Variants in UTP6 observed in about 807,000 individuals in gnomAD.
UTP6 encodes the protein U3 small nucleolar RNA-associated protein 6 homolog.
UTP6 carries 60 observed loss-of-function variants against 96.5 expected under a neutral mutation model. The ratio of observed to expected loss-of-function variants is 0.62; its 90% CI spans 0.51 to 0.77. UTP6 has a LOEUF of 0.77. Ranked by LOEUF, UTP6 falls within the 30% of genes least tolerant of loss-of-function variation. The pLI is 0.00. For synonymous variants in UTP6, 215 were observed against 240.1 expected, an observed-to-expected ratio of 0.90 and a Z score of 0.96; for missense variants, 637 against 706.5, an observed-to-expected ratio of 0.90 and a Z score of 1.12.
rs565200979 is a variant in UTP6 at position 31,872,919 on chromosome 17, CAAAAAAACAAA to C, written c.1496+448_1496+458del. On this transcript the variant is annotated intron_variant, in intron 16 of 18. Coordinates refer to ENST00000261708, the MANE Select transcript of UTP6 (RefSeq NM_018428.3). ...GGCTAAGGCGGGAGAATCACTGTCT[CAAAAAAACAAA>C]AAAAAAACAAAAAAAAAGGAAAATG... is the stretch of plus-strand genomic sequence containing the variant. 2.5e-3 allele frequency among the ~76,000 whole-genome samples: 344 copies of C among 140,208 alleles called. 2 individuals are homozygous for C. The highest frequency in any genetic ancestry group is 8.4e-3 in the African/African-American group (306 of 36,616). The allele number at this position is 140,208 out of a possible 152,430, so 92.0% of individuals were successfully genotyped here.
chr17:31,891,701 A>G (rs1911501103), intron 6 of UTP6, among the ~76,000 whole-genome samples: 1 of 152,192 alleles, frequency 6.6e-6, no homozygotes, highest in Non-Finnish European at 1.5e-5. Context: ...CAAAGGATTC[A>G]AAAGTTTATT....
At chr17:31,895,164 CACTT>C (rs1306100338) in intron 2 of UTP6, among the ~76,000 whole-genome samples, 153 bp from the exon 3 acceptor site, 1 of 152,146 alleles carries the variant, frequency 6.6e-6, no homozygotes, top group Non-Finnish European at 1.5e-5. Context: ...GTCTAGAACT[CACTT>C]AAAATTCACT....
intron 6 of UTP6, among the ~76,000 whole-genome samples, chr17:31,890,577 G>C (rs11867619): frequency 0.87 from 131,358 of 151,618 alleles, 57,023 homozygotes; most frequent in African/African-American, 0.92. Context: ...GAGATCACAC[G>C]ACTACACCCC....
intron 16 of UTP6, among the ~76,000 whole-genome samples, chr17:31,870,869 GTAC>G (rs1910127019): frequency 6.6e-6 from 1 of 151,848 alleles, no homozygotes; most frequent in Admixed American, 6.6e-5. Context: ...AGGCTGGAGT[GTAC>G]TAGCACAAAC....
chr17:31,890,083 C>T (rs988332241), intron 6 of UTP6, among the ~76,000 whole-genome samples: 1 of 151,978 alleles, frequency 6.6e-6, no homozygotes, highest in African/African-American at 2.4e-5. Flanking sequence ...CAACAGCTCA[C>T]TGCAGTCTTC....
rs1312857440 is a variant in UTP6 at position 31,889,280 on chromosome 17, C to T, written c.543+5G>A. 5 of 1,607,232 alleles carry T rather than the reference C, an allele frequency of 3.1e-6. No individual in the cohort carries two copies. Among genetic ancestry groups the T allele is most frequent in the Non-Finnish European group, 4.3e-6 (5 of 1,174,602 alleles). ...CTGTCTCATCCTATGTGCATACACA[C>T]TCACTTCTTTATAAAGTTTTGGGCA... is the stretch of plus-strand genomic sequence containing the variant. On this transcript the variant is annotated splice_donor_5th_base_variant and intron_variant, in intron 7 of 18. Coordinates refer to ENST00000261708, the MANE Select transcript of UTP6 (RefSeq NM_018428.3).
chr17:31,887,029 A>C (rs1296061490), intron 8 of UTP6, among the ~76,000 whole-genome samples: 1 of 152,026 alleles, frequency 6.6e-6, no homozygotes, highest in South Asian at 2.1e-4. Flanking sequence ...TAACAACATT[A>C]AACATTAAAG....
chr17:31,868,284 C>A (rs1909944863), intron 16 of UTP6, among the ~76,000 whole-genome samples, 172 bp from the exon 17 acceptor site: 1 of 150,832 alleles, frequency 6.6e-6, no homozygotes, highest in African/African-American at 2.4e-5. Context: ...ATTCTATGAC[C>A]ACTAATGACT....
At position 31,894,637 on chromosome 17, in the gene UTP6, T is replaced by A. The variant is rs2142323223; in HGVS notation, c.312+8A>T. On this transcript the variant is annotated splice_region_variant and intron_variant, in intron 4 of 18. Coordinates refer to ENST00000261708, the MANE Select transcript of UTP6 (RefSeq NM_018428.3). ...TCTCATAAAGTTAAGGATGCCTTGATCACTCACTTTCCATTTTGCTGAGGC... is the reference window on the plus strand; with the variant it reads ...TCTCATAAAGTTAAGGATGCCTTGAACACTCACTTTCCATTTTGCTGAGGC... The A allele has an allele frequency of 1.3e-6, 2 of 1,591,770 alleles. No homozygotes were observed. Among genetic ancestry groups the A allele is most frequent in the Middle Eastern group, 1.7e-4 (1 of 5,922 alleles).
intron 10 of UTP6, among the ~76,000 whole-genome samples, chr17:31,882,261 C>A (rs548037353): frequency 6.3e-4 from 95 of 150,962 alleles, no homozygotes; most frequent in African/African-American, 2.2e-3. Flanking sequence ...AAACTCCTGA[C>A]CTCAGGTGAT....
At chr17:31,881,963 C>G (rs1208726939) in intron 10 of UTP6, among the ~76,000 whole-genome samples, 1 of 152,004 alleles carries the variant, frequency 6.6e-6, no homozygotes, top group East Asian at 1.9e-4. Context: ...GGGATTACAG[C>G]CCCTGTGCCC....
intron 1 of UTP6, among the ~76,000 whole-genome samples, chr17:31,900,570 G>A (rs540518860): frequency 5.9e-5 from 9 of 152,148 alleles, no homozygotes; most frequent in Non-Finnish European, 1.2e-4. Flanking sequence ...GATTACAGGC[G>A]TGAGCCACAG....
intron 2 of UTP6, among the ~76,000 whole-genome samples, chr17:31,896,172 G>T (rs1904628762): frequency 6.6e-6 from 1 of 151,868 alleles, no homozygotes; most frequent in Admixed American, 6.6e-5. Flanking sequence ...CCGCCTCCCG[G>T]ATTCAAGCAG....
intron 1 of UTP6, 90 bp from the exon 2 acceptor site, chr17:31,899,820 A>C: frequency 3.2e-6 from 3 of 947,618 alleles, no homozygotes; most frequent in Non-Finnish European, 4.5e-6. Context: ...ATGTTTTTCA[A>C]AATACGAAAT....
chr17:31,876,700 C>T (rs939770120), intron 13 of UTP6, among the ~76,000 whole-genome samples: 55 of 151,228 alleles, frequency 3.6e-4, no homozygotes, highest in African/African-American at 1.3e-3. Flanking sequence ...AACACATGCT[C>T]ACCAAACAGA....
chr17:31,865,218 G>T (rs1028920124), intron 18 of UTP6, 148 bp downstream of exon 18: 50 of 652,050 alleles, frequency 7.7e-5, no homozygotes, highest in Non-Finnish European at 1.3e-4. Flanking sequence ...TCACCATATT[G>T]GCCAGGCTGG....
At chr17:31,880,790 C>T in intron 10 of UTP6, 36 bp from the exon 11 acceptor site, 5 of 1,611,490 alleles carry the variant, frequency 3.1e-6, no homozygotes, top group Non-Finnish European at 3.4e-6. Context: ...AATCCCACAA[C>T]AAGAAACTGA....
rs771824075 is a variant in UTP6 at position 31,863,361 on chromosome 17, A to C, written c.1792T>G (p.Ter598GlyextTer2). The change falls in exon 19 of 19, where the codon TGA becomes GGA. Residue 598 changes from the stop codon to glycine (G), a stop_lost. Coordinates refer to ENST00000261708, the MANE Select transcript of UTP6 (RefSeq NM_018428.3). ...KHAMHQTGHL* is the reference protein window; with the variant it reads ...KHAMHQTGHLG The stretch of plus-strand genomic sequence containing the variant: ...AAAGCTGACTGTATTCTTCATCTTC[A>C]TAAATGGCCAGTCTGATGCATAGCA... 1 of 1,612,180 alleles carries C rather than the reference A, an allele frequency of 6.2e-7. No homozygotes were observed. Among genetic ancestry groups the C allele is most frequent in the Non-Finnish European group, 8.5e-7 (1 of 1,179,586 alleles).
At chr17:31,872,244 CTATA>C (rs1233368872) in intron 16 of UTP6, among the ~76,000 whole-genome samples, 1 of 151,770 alleles carries the variant, frequency 6.6e-6, no homozygotes, top group East Asian at 1.9e-4. Flanking sequence ...TACAGTTATA[CTATA>C]ATCTCAACTA....
Sources: allele counts gnomAD v4.1 joint callset (sites outside exome capture counted in the v4.1 genomes callset), GRCh38; gene constraint gnomAD v4.1.1; transcripts MANE v1.5; gene names NCBI Gene and HGNC (gene_info 2026-07-23, HGNC 2026-07-21).